MBP: variants seen among roughly 807,000 people sequenced by gnomAD.
The protein encoded by MBP is Golli-MBP.
A neutral mutation model predicts 35.8 loss-of-function variants in MBP; 16 were observed. The ratio of observed to expected loss-of-function variants is 0.45; its 90% CI spans 0.30 to 0.68. The LOEUF (loss-of-function observed/expected upper bound fraction) is 0.68. Ranked by LOEUF, MBP falls within the 30% of genes least tolerant of loss-of-function variation. MBP has a pLI of 0.08. For synonymous variants in MBP, 143 were observed against 159.6 expected (o/e 0.90, Z 0.78); for missense variants, 380 against 404.7 (o/e 0.94, Z 0.52).
chr18:76,986,678 T>C (rs1402182132), intron 7 of MBP: 6 of 985,430 alleles, frequency 6.1e-6, no homozygotes, highest in Non-Finnish European at 7.2e-6. Context: ...TCCAGGTTCA[T>C]GCTCACTCCC....
chr18:77,116,776 T>C (rs1348336150), intron 1 of MBP, among the ~76,000 whole-genome samples: 1 of 152,150 alleles, frequency 6.6e-6, no homozygotes. Flanking sequence ...GGAGAATCTC[T>C]TGAACCCAGT....
chr18:77,013,561 C>A (rs1300718884), intron 4 of MBP: 1 of 985,306 alleles, frequency 1.0e-6, no homozygotes, highest in East Asian at 1.1e-4. Flanking sequence ...TATCCCACGG[C>A]ACTGAATGAC....
intron 1 of MBP, among the ~76,000 whole-genome samples, chr18:77,126,644 C>G (rs1453412215): frequency 6.6e-6 from 1 of 152,084 alleles, no homozygotes; most frequent in African/African-American, 2.4e-5. Flanking sequence ...CCCAAGAAAT[C>G]TACCAAAAAA....
chr18:77,058,979 C>T lies in MBP; in HGVS notation c.139+7319G>A, dbSNP rs571898465. On this transcript the variant is annotated intron_variant, in intron 3 of 8. Transcript: ENST00000355994. ...CAGCCCTAGCCCACCAACTTACAAC[C>T]CCCTGAGGCTGCCCCAAGATGGAAG... 6.7e-5 allele frequency among the ~76,000 whole-genome samples: 10 copies of T among 149,460 alleles called. No individual in the cohort carries two copies. The East Asian group carries it at 1.8e-3, about 27-fold the overall frequency.
intron 3 of MBP, among the ~76,000 whole-genome samples, chr18:77,053,907 C>T (rs12607797): frequency 0.28 from 43,033 of 152,232 alleles, 7,554 homozygotes; most frequent in Non-Finnish European, 0.38. Flanking sequence ...AGTCGGGGCT[C>T]GGACAATAAA....
intron 2 of MBP, among the ~76,000 whole-genome samples, chr18:77,079,741 C>T (rs765494913): frequency 5.3e-5 from 8 of 152,200 alleles, no homozygotes; most frequent in Non-Finnish European, 8.8e-5. Context: ...TTCTCTCTCT[C>T]GCTTTCTCTA....
intron 2 of MBP, among the ~76,000 whole-genome samples, chr18:77,103,209 G>C (rs1373093924): frequency 6.6e-6 from 1 of 152,168 alleles, no homozygotes; most frequent in African/African-American, 2.4e-5. Context: ...GTACAAATCA[G>C]AGAAGGCCCC....
intron 4 of MBP, among the ~76,000 whole-genome samples, chr18:76,998,770 C>CTGGT: frequency 6.6e-6 from 1 of 152,264 alleles, no homozygotes; most frequent in African/African-American, 2.4e-5. Context: ...CTGTGGGTGG[C>CTGGT]TGGTTGCAGG....
At position 77,050,798 on chromosome 18, in the gene MBP, G is replaced by A. The variant is rs559072525; in HGVS notation, c.139+15500C>T. Reference sequence around the variant, plus strand: ...TGAGCTTGAGTGATCTGCCCGCCTCGGACTCCCAAAGTGCTGGGATTACAG... The same window carrying A: ...TGAGCTTGAGTGATCTGCCCGCCTCAGACTCCCAAAGTGCTGGGATTACAG... On this transcript the variant is annotated intron_variant, in intron 3 of 8. Coordinates refer to ENST00000355994, the MANE Select transcript of MBP (RefSeq NM_001025101.2). Among the ~76,000 whole-genome samples, 323 of 152,202 alleles carry A rather than the reference G, an allele frequency of 2.1e-3. 5 individuals are homozygous for A. Among genetic ancestry groups the A allele is most frequent in the Middle Eastern group, 3.4e-3 (1 of 294 alleles).
rs1303777608 is a variant in MBP, at chr18:77,132,371, G to GCGCGGCCAC, written c.-26+208_-26+209insGTGGCCGCG. 1.1e-3 allele frequency among the ~76,000 whole-genome samples: 172 copies of GCGCGGCCAC among 152,274 alleles called. 1 individual carries two copies. Among genetic ancestry groups the GCGCGGCCAC allele is most frequent in the African/African-American group, 3.9e-3 (163 of 41,568 alleles). ...CCGGCTGCTACCTGCTCGGCCACCT[G>GCGCGGCCAC]CTCCGCTGCCTAGGTTCTCCCTGCG... is the stretch of plus-strand genomic sequence containing the variant. On this transcript the variant is annotated intron_variant, in intron 1 of 8. Transcript: ENST00000355994.
intron 3 of MBP, among the ~76,000 whole-genome samples, chr18:77,028,620 C>T (rs1377871748): frequency 2.5e-5 from 2 of 79,316 alleles, no homozygotes; most frequent in Non-Finnish European, 6.5e-5. Context: ...GGGCGGGGGG[C>T]TGACCCCCCC....
intron 4 of MBP, chr18:77,015,919 A>T: frequency 1.0e-6 from 1 of 985,474 alleles, no homozygotes; most frequent in South Asian, 4.7e-5. Context: ...GCAGAAAAAC[A>T]GCTTCATCTT....
chr18:77,112,146 C>G (rs535207151), intron 1 of MBP, among the ~76,000 whole-genome samples: 1 of 149,274 alleles, frequency 6.7e-6, no homozygotes, highest in Admixed American at 6.8e-5. Flanking sequence ...ACCAAAAACC[C>G]GTAGAATGAA....
chr18:76,994,515 T>C (rs982433312), intron 4 of MBP, among the ~76,000 whole-genome samples: 4 of 152,236 alleles, frequency 2.6e-5, no homozygotes, highest in East Asian at 1.9e-4. Context: ...GAGCATTACA[T>C]AGATAATGCT....
intron 1 of MBP, chr18:77,108,688 C>T (rs376748129): frequency 2.0e-5 from 3 of 152,344 alleles, no homozygotes; most frequent in African/African-American, 7.2e-5. Flanking sequence ...CTGTTAGGCT[C>T]TCGTTTTTAA....
chr18:77,092,259 A>G (rs950544528), intron 2 of MBP, among the ~76,000 whole-genome samples: 1 of 152,260 alleles, frequency 6.6e-6, no homozygotes, highest in African/African-American at 2.4e-5. Context: ...ACTGGTGACT[A>G]GAAGCAGCTC....
At chr18:77,094,168 T>C (rs1975662954) in intron 2 of MBP, among the ~76,000 whole-genome samples, 1 of 152,002 alleles carries the variant, frequency 6.6e-6, no homozygotes, top group Non-Finnish European at 1.5e-5. Flanking sequence ...TAGAGATGGG[T>C]TTTCACCATG....
rs904160302 is a variant in MBP, at chr18:77,027,467, G to A, written c.140-10199C>T. On this transcript the variant is annotated intron_variant, in intron 3 of 8. Transcript: ENST00000355994. The stretch of plus-strand genomic sequence containing the variant: ...CCCCCTGGGCAGGGGCAGGGCCAGG[G>A]ACAGCATCAGAGAGCACCAGGTCTC... 1.6e-4 allele frequency among the ~76,000 whole-genome samples: 24 copies of A among 152,300 alleles called. No individual in the cohort carries two copies. The East Asian group carries it at 4.4e-3, about 28-fold the overall frequency.
rs545664087 is a variant in MBP at position 77,015,466 on chromosome 18, C to A, written c.576+1366G>T. ...CATTAGAAATCGGTTAGAACACCAA[C>A]ATTTCAGGGTGAGGGAGGACTGCTA... is the stretch of plus-strand genomic sequence containing the variant. On this transcript the variant is annotated intron_variant, in intron 4 of 8. Coordinates refer to ENST00000355994, the MANE Select transcript of MBP (RefSeq NM_001025101.2). The A allele has an allele frequency of 3.0e-6, 3 of 985,436 alleles. No homozygotes were observed. In the East Asian group the frequency reaches 3.4e-4, roughly 112 times the overall value. The allele number at this position is 985,436 out of a possible 1,614,324, so 61.0% of individuals were successfully genotyped here.
Sources: gnomAD v4.1 joint callset for allele counts (sites outside exome capture counted in the v4.1 genomes callset) on GRCh38, gnomAD v4.1.1 for gene constraint, MANE v1.5 for transcripts, NCBI Gene and HGNC (gene_info 2026-07-23, HGNC 2026-07-21) for gene names.